AKAP9: variants seen among roughly 807,000 people sequenced by gnomAD.
AKAP9 encodes A-kinase anchoring protein 9, also known as A-kinase anchor protein 9.
Under a neutral mutation model 488.5 loss-of-function variants are expected in AKAP9, and 311 were observed. The ratio of observed to expected loss-of-function variants is 0.64; its 90% CI spans 0.58 to 0.70. AKAP9 has a LOEUF of 0.70. AKAP9 is among the 30% of genes least tolerant of loss of function. AKAP9 has a pLI of 0.00. For synonymous variants in AKAP9, 1,462 were observed against 1,483.5 expected (o/e 0.99, Z 0.33); for missense variants, 4,215 against 4,374.5 (o/e 0.96, Z 1.03).
At chr7:92,092,647 C>T (rs1240102175) in intron 38 of AKAP9, 1 of 156,166 alleles carries the variant, frequency 6.4e-6, no homozygotes, top group African/African-American at 2.4e-5. Context: ...ACGTTACCAA[C>T]CCTTTTTGTT....
At chr7:92,064,261 A>C (rs1455475272) in intron 24 of AKAP9, among the ~76,000 whole-genome samples, 1 of 152,050 alleles carries the variant, frequency 6.6e-6, no homozygotes, top group East Asian at 1.9e-4. Flanking sequence ...ATGTTGTTTT[A>C]AAAGGAAAGC....
intron 43 of AKAP9, 126 bp from the exon 44 acceptor site, chr7:92,099,561 A>G (rs1194081147): frequency 1.1e-6 from 1 of 919,230 alleles, no homozygotes; most frequent in African/African-American, 1.6e-5. Context: ...ATATCTACCT[A>G]TTACTGAATA....
intron 18 of AKAP9, 105 bp downstream of exon 18, chr7:92,041,003 A>AGT: frequency 1.1e-6 from 1 of 936,564 alleles, no homozygotes; most frequent in Middle Eastern, 2.3e-4. Flanking sequence ...ATGTAGCCAT[A>AGT]ATTTTTTTTT....
intron 24 of AKAP9, among the ~76,000 whole-genome samples, chr7:92,063,651 A>T (rs1274772431): frequency 6.6e-6 from 1 of 152,180 alleles, no homozygotes; most frequent in Admixed American, 6.6e-5. Flanking sequence ...ACAACAACAA[A>T]TAAACTTTTC....
chr7:91,991,808 A>G (rs1055066316), intron 3 of AKAP9, among the ~76,000 whole-genome samples: 1 of 152,196 alleles, frequency 6.6e-6, no homozygotes, highest in Non-Finnish European at 1.5e-5. Context: ...GGCTTAATAA[A>G]TAATTATTTG....
chr7:92,087,677 G>A (rs888837600), intron 37 of AKAP9, among the ~76,000 whole-genome samples: 1 of 151,856 alleles, frequency 6.6e-6, no homozygotes, highest in African/African-American at 2.4e-5. Flanking sequence ...GAAAGTATAA[G>A]GTGAGCCTGG....
intron 14 of AKAP9, among the ~76,000 whole-genome samples, chr7:92,024,814 C>T (rs73405600): frequency 0.035 from 5,258 of 152,066 alleles, 267 homozygotes; most frequent in African/African-American, 0.12. Context: ...GTATAGTGGA[C>T]GAAATACTGA....
At position 91,980,301 on chromosome 7, in the gene AKAP9, A is replaced by G; in HGVS notation, c.319A>G (p.Ile107Val). 3.2e-6 allele frequency: 5 copies of G among 1,586,866 alleles called. No homozygotes were observed. The highest frequency in any genetic ancestry group is 4.3e-6 in the Non-Finnish European group (5 of 1,160,910). ...QGFSVELESE[I>V]STTADDCSSE... ...ATTTTTGTTTTAGCTGGAAAGTGAAATTTCAACCACAGCAGATGACTGCAG... is the reference window on the plus strand; with the variant it reads ...ATTTTTGTTTTAGCTGGAAAGTGAAGTTTCAACCACAGCAGATGACTGCAG... Residue 107 changes from isoleucine to valine, a missense_variant, in exon 3 of 50, where the codon ATT (isoleucine) becomes GTT (valine). By Grantham distance (29) the Ile-to-Val change is conservative. Around this residue, in one of 5 missense-constraint regions of AKAP9, gnomAD observed 2,361 missense variants for 2,430.0 expected, o/e 0.97. Transcript: ENST00000356239.
intron 37 of AKAP9, among the ~76,000 whole-genome samples, chr7:92,088,034 C>A (rs1814904282): frequency 6.6e-6 from 1 of 152,006 alleles, no homozygotes; most frequent in African/African-American, 2.4e-5. Context: ...TAGTTCGCAA[C>A]AGATGCTAAA....
Position 92,001,882 on chromosome 7 carries a change from T to TA in AKAP9, c.1968dup (p.Asp657ArgfsTer2), listed in dbSNP as rs1799224441. ...AACATCGAATAAATATTGAAAAACT[T>TA]AAAGATAATTTAGGCATTCACTATA... On this transcript the variant is annotated frameshift_variant, in exon 8 of 50. Transcript: ENST00000356239. LOFTEE classifies it high-confidence loss of function. 1 of 1,612,828 alleles carries TA rather than the reference T, an allele frequency of 6.2e-7. No homozygotes were observed. Among genetic ancestry groups the TA allele is most frequent in the African/African-American group, 1.3e-5 (1 of 74,884 alleles).
At chr7:92,092,709 T>A (rs764528458) in intron 38 of AKAP9, 13 of 184,460 alleles carry the variant, frequency 7.0e-5, no homozygotes, top group Non-Finnish European at 1.4e-4. Context: ...TACAGTGGCA[T>A]GGTCTCAACT....
intron 1 of AKAP9, among the ~76,000 whole-genome samples, chr7:91,944,779 A>G (rs1717597285): frequency 6.6e-6 from 1 of 152,272 alleles, no homozygotes; most frequent in African/African-American, 2.4e-5. Context: ...GAACAGGAAA[A>G]TGAGGCACAG....
At chr7:91,999,379 C>A (rs1186426978) in intron 7 of AKAP9, among the ~76,000 whole-genome samples, 1 of 152,148 alleles carries the variant, frequency 6.6e-6, no homozygotes, top group African/African-American at 2.4e-5. Flanking sequence ...GCGCCCAGCC[C>A]CACGCCCAGC....
chr7:92,052,451 G>C (rs1225587548), intron 21 of AKAP9, among the ~76,000 whole-genome samples: 2 of 147,588 alleles, frequency 1.4e-5, no homozygotes, highest in Non-Finnish European at 3.0e-5. Context: ...TCTGTTGAAA[G>C]GTATCTTAGA....
chr7:91,992,401 C>T (rs954872342), intron 4 of AKAP9, among the ~76,000 whole-genome samples, 190 bp downstream of exon 4: 9 of 152,106 alleles, frequency 5.9e-5, no homozygotes, highest in Non-Finnish European at 8.8e-5. Context: ...TGGTGGCTTA[C>T]GTCTGTAATC....
rs755188964 is a variant in AKAP9, at chr7:92,083,739, A to G, written c.8646+84A>G. 135 of 1,455,706 alleles carry G rather than the reference A, an allele frequency of 9.3e-5. No individual in the cohort carries two copies. The Middle Eastern group carries it at 1.4e-3, about 15-fold the overall frequency. The allele number at this position is 1,455,706 out of a possible 1,614,324, so 90.2% of individuals were successfully genotyped here. On this transcript the variant is annotated intron_variant, in intron 33 of 49. Transcript: ENST00000356239. ...ATCAGTTTAATTCATTTTGTAGATG[A>G]CAAACCAAAATGCAACTCATTAAGG...
chr7:91,954,356 C>G (rs569547077), intron 1 of AKAP9, among the ~76,000 whole-genome samples: 2 of 152,316 alleles, frequency 1.3e-5, no homozygotes, highest in African/African-American at 4.8e-5. Flanking sequence ...ATGATCATTA[C>G]TCACTGCAGC....
chr7:92,029,826 G>A (rs1803925045), intron 14 of AKAP9, 69 bp from the exon 15 acceptor site: 2 of 1,269,188 alleles, frequency 1.6e-6, no homozygotes, highest in South Asian at 1.2e-5. Context: ...TATGTGTGGT[G>A]TAGATTTTGC....
chr7:92,047,428 A>G (rs888062777), intron 21 of AKAP9, among the ~76,000 whole-genome samples: 3 of 152,188 alleles, frequency 2.0e-5, no homozygotes, highest in African/African-American at 4.8e-5. Context: ...TATGTTAGCC[A>G]GGCTGGTTTC....
Sources: allele counts gnomAD v4.1 joint callset (sites outside exome capture counted in the v4.1 genomes callset), GRCh38; gene constraint gnomAD v4.1.1; regional missense constraint gnomAD v4.1.1; transcripts MANE v1.5; gene names NCBI Gene and HGNC (gene_info 2026-07-23, HGNC 2026-07-21).